Variants in SNRPN observed in about 807,000 individuals in gnomAD.
SNRPN encodes the protein small nuclear ribonucleoprotein polypeptide N, also known as small nuclear ribonucleoprotein-associated protein N.
A neutral mutation model predicts 25.2 loss-of-function variants in SNRPN; 7 were observed. The observed-to-expected ratio is 0.28, with a 90% CI of 0.16 to 0.52. The LOEUF is 0.52. SNRPN is among the 20% of genes least tolerant of loss of function. The pLI is 0.96. For synonymous variants in SNRPN, 124 were observed against 110.6 expected (o/e 1.12, Z -0.76); for missense variants, 196 against 322.5 (o/e 0.61, Z 3.00).
intron 2 of SNRPN, among the ~76,000 whole-genome samples, chr15:24,886,808 CATTT>C (rs2057239040): frequency 6.6e-6 from 1 of 152,186 alleles, no homozygotes; most frequent in South Asian, 2.1e-4. Context: ...AATTATCATT[CATTT>C]TAGTTATTTC....
chr15:24,953,930 A>C (rs2062479439), upstream of SNRPN, among the ~76,000 whole-genome samples: 1 of 152,180 alleles, frequency 6.6e-6, no homozygotes, highest in African/African-American at 2.4e-5. Flanking sequence ...TTAATGTAGG[A>C]TCATTGGGAA....
At chr15:24,913,715 T>G (rs571348437) in intron 2 of SNRPN, among the ~76,000 whole-genome samples, 1 of 152,146 alleles carries the variant, frequency 6.6e-6, no homozygotes, top group African/African-American at 2.4e-5. Context: ...ACACTCAGTT[T>G]ATTTTTTAGT....
chr15:24,861,820 C>T (rs1165853768), intron 1 of SNRPN, among the ~76,000 whole-genome samples: 2 of 152,284 alleles, frequency 1.3e-5, no homozygotes, highest in East Asian at 3.9e-4. Flanking sequence ...GTTTTAGTCA[C>T]ATCAAAATAT....
intron 2 of SNRPN, among the ~76,000 whole-genome samples, chr15:24,965,296 G>T (rs983575064): frequency 6.6e-6 from 1 of 152,128 alleles, no homozygotes; most frequent in Admixed American, 6.5e-5. Flanking sequence ...CCAGCACTTT[G>T]GGAGGCGAAG....
Position 24,873,159 on chromosome 15 carries a change from G to A in SNRPN, c.-578-13357G>A, listed in dbSNP as rs781528599. On this transcript the variant is annotated intron_variant, in intron 1 of 11. Transcript: ENST00000400097. Reference sequence around the variant, plus strand: ...TAGAATCAGCTTACCAATTACTCCCGCCTTGCCCGCAAAAAAAAAGCAACA... The same window carrying A: ...TAGAATCAGCTTACCAATTACTCCCACCTTGCCCGCAAAAAAAAAGCAACA... Among the ~76,000 whole-genome samples the A allele has an allele frequency of 1.3e-3, 138 of 108,310 alleles. 32 individuals carry two copies. Among genetic ancestry groups the A allele is most frequent in the Non-Finnish European group, 2.1e-3 (112 of 52,420 alleles). The allele number at this position is 108,310 out of a possible 152,430, so 71.1% of individuals were successfully genotyped here. A position where few individuals can be genotyped will look rare whatever the true frequency, so the allele number is the denominator to read the frequency against.
chr15:24,871,003 C>T (rs1368911365), intron 1 of SNRPN, among the ~76,000 whole-genome samples: 1 of 151,804 alleles, frequency 6.6e-6, no homozygotes, highest in Non-Finnish European at 1.5e-5. Context: ...GCTTCAGCTT[C>T]CCAGGTAGCT....
chr15:24,949,837 T>C (rs561964727), intron 3 of SNRPN, among the ~76,000 whole-genome samples: 21 of 152,084 alleles, frequency 1.4e-4, no homozygotes, highest in Non-Finnish European at 2.9e-4. Context: ...TTCTTTCTTT[T>C]TTTTTTTGGA....
intron 2 of SNRPN, among the ~76,000 whole-genome samples, chr15:24,838,806 T>C (rs551950067): frequency 6.6e-6 from 1 of 152,172 alleles, no homozygotes; most frequent in East Asian, 1.9e-4. Context: ...CCCGCACTAC[T>C]AGAGGGTTCC....
chr15:24,870,075 G>T (rs1481753504), intron 1 of SNRPN, among the ~76,000 whole-genome samples: 1 of 152,210 alleles, frequency 6.6e-6, no homozygotes, highest in Admixed American at 6.5e-5. Context: ...TTTTGAAATA[G>T]CCACATTATT....
chr15:24,961,029 C>A lies in SNRPN; in HGVS notation c.-390-1085C>A, dbSNP rs1421268006. On this transcript the variant is annotated intron_variant, in intron 1 of 9. Coordinates refer to ENST00000390687, the MANE Select transcript of SNRPN (RefSeq NM_003097.6). ...GCTGTATGTTAAGCAAATATTTTTT[C>A]CTATTCTGGTTATCCTTTCACTTTC... Among the ~76,000 whole-genome samples the A allele has an allele frequency of 2.6e-5, 4 of 151,760 alleles. No individual in the cohort carries two copies. In the South Asian group the frequency reaches 8.3e-4, roughly 32 times the overall value.
chr15:24,907,439 T>C (rs555450041), intron 2 of SNRPN, among the ~76,000 whole-genome samples: 10 of 151,518 alleles, frequency 6.6e-5, no homozygotes, highest in African/African-American at 2.4e-4. Context: ...CTACTAAAAA[T>C]ATAGAAAAAT....
chr15:24,939,442 T>G (rs1054304722), intron 3 of SNRPN, among the ~76,000 whole-genome samples: 9 of 151,548 alleles, frequency 5.9e-5, no homozygotes, highest in Admixed American at 2.6e-4. Flanking sequence ...ATGTATGTAT[T>G]TATTTATTGA....
At chr15:24,968,127 G>C (rs2075914897) in intron 3 of SNRPN, 45 bp downstream of exon 3, 1 of 1,157,738 alleles carries the variant, frequency 8.6e-7, no homozygotes, top group African/African-American at 1.5e-5. Flanking sequence ...AATCATTAAA[G>C]AATGGGGTGT....
chr15:24,839,528 G>T (rs1296217341), intron 2 of SNRPN, among the ~76,000 whole-genome samples: 1 of 152,144 alleles, frequency 6.6e-6, no homozygotes, highest in Non-Finnish European at 1.5e-5. Flanking sequence ...GATGAGGTAT[G>T]TAGGCTGTCA....
At chr15:24,857,161 CAAAG>C (rs1348727261) in intron 1 of SNRPN, among the ~76,000 whole-genome samples, 3 of 152,082 alleles carry the variant, frequency 2.0e-5, no homozygotes, top group Non-Finnish European at 4.4e-5. Context: ...AAAAGGTAGA[CAAAG>C]AATTAATTTG....
intron 3 of SNRPN, among the ~76,000 whole-genome samples, chr15:24,946,066 T>G (rs2061863891): frequency 6.6e-6 from 1 of 152,178 alleles, no homozygotes; most frequent in Admixed American, 6.5e-5. Context: ...ATGTTTGCAT[T>G]TATAAAAACT....
chr15:24,934,889 G>T (rs2061124879), intron 3 of SNRPN, among the ~76,000 whole-genome samples: 1 of 152,134 alleles, frequency 6.6e-6, no homozygotes, highest in South Asian at 2.1e-4. Flanking sequence ...ATGGGGGCAG[G>T]TACTCAGTTG....
At chr15:24,931,029 G>A (rs2060817585) in intron 3 of SNRPN, among the ~76,000 whole-genome samples, 2 of 152,030 alleles carry the variant, frequency 1.3e-5, no homozygotes, top group Admixed American at 6.5e-5. Flanking sequence ...CAGCCTGGGC[G>A]ACAGAGTGAG....
intron 3 of SNRPN, among the ~76,000 whole-genome samples, chr15:24,949,821 TTTTC>T (rs1483327909): frequency 1.3e-5 from 2 of 151,978 alleles, no homozygotes; most frequent in African/African-American, 2.4e-5. Context: ...TTCCTTTTTC[TTTTC>T]TTTCTTTCTT....
Sources: gnomAD v4.1 joint callset for allele counts (sites outside exome capture counted in the v4.1 genomes callset) on GRCh38, gnomAD v4.1.1 for gene constraint, MANE v1.5 for transcripts, NCBI Gene and HGNC (gene_info 2026-07-23, HGNC 2026-07-21) for gene names.